The following ABI3BP variants were observed in gnomAD, a reference collection of about 807,000 sequenced individuals.
ABI3BP encodes the protein ABI family member 3 binding protein.
In ABI3BP, 216 loss-of-function variants were observed where a neutral mutation model predicts 268.6. That is an observed-to-expected ratio of 0.80 (90% CI 0.72 to 0.90). ABI3BP has a LOEUF of 0.90. Among genes scored for constraint, ABI3BP ranks in the 40% least tolerant of loss-of-function variants. The pLI is 0.00. For missense variants in ABI3BP, 2,090 were observed against 2,182.4 expected (o/e 0.96, Z 0.84); for synonymous variants, 730 against 730.0 (o/e 1.00, Z 0.00).
intron 2 of ABI3BP, among the ~76,000 whole-genome samples, chr3:100,916,587 C>T (rs1438060331): frequency 1.3e-5 from 2 of 152,190 alleles, no homozygotes; most frequent in Non-Finnish European, 2.9e-5. Flanking sequence ...TGGGGTTGCT[C>T]TAAGGATTTA....
intron 51 of ABI3BP, among the ~76,000 whole-genome samples, chr3:100,803,319 G>GTT (rs1220830166): frequency 2.4e-4 from 31 of 131,298 alleles, no homozygotes; most frequent in South Asian, 2.8e-4. Flanking sequence ...ATTAAGGCAA[G>GTT]TTTTTTTTTT....
intron 62 of ABI3BP, among the ~76,000 whole-genome samples, chr3:100,769,433 CAGAA>C (rs1157302107): frequency 1.3e-5 from 2 of 152,112 alleles, no homozygotes; most frequent in Non-Finnish European, 2.9e-5. Context: ...TATATACAAT[CAGAA>C]AGGCCAATTC....
rs115863872 is a variant in ABI3BP at position 100,781,223 on chromosome 3, T to C, written c.4163-1014A>G. 3.1e-3 allele frequency among the ~76,000 whole-genome samples: 466 copies of C among 152,314 alleles called. 3 individuals are homozygous for C. The highest frequency in any genetic ancestry group is 0.011 in the African/African-American group (439 of 41,572). ...TTCCAGAAACTGTTTGGGGACATTA[T>C]ATACTTGATCTCATTTAATGTGTGG... On this transcript the variant is annotated intron_variant, in intron 57 of 67. Coordinates refer to ENST00000471714, the MANE Select transcript of ABI3BP (RefSeq NM_001375547.2).
At chr3:100,825,942 G>T in intron 34 of ABI3BP, 98 bp from the exon 35 acceptor site, 1 of 879,204 alleles carries the variant, frequency 1.1e-6, no homozygotes, top group Non-Finnish European at 1.8e-6. Flanking sequence ...CTGCCTCTAG[G>T]ATAATTAAAC....
chr3:100,950,326 A>G (rs2074394367), intron 1 of ABI3BP, among the ~76,000 whole-genome samples: 1 of 152,232 alleles, frequency 6.6e-6, no homozygotes, highest in Non-Finnish European at 1.5e-5. Context: ...TAATACTATA[A>G]TAAACAAATG....
chr3:100,817,478 C>A lies in ABI3BP; in HGVS notation c.3106G>T (p.Glu1036Ter). The A allele has an allele frequency of 6.6e-7, 1 of 1,509,540 alleles. No individual in the cohort carries two copies. Among genetic ancestry groups the A allele is most frequent in the South Asian group, 1.3e-5 (1 of 79,674 alleles). The allele number at this position is 1,509,540 out of a possible 1,614,324, so 93.5% of individuals were successfully genotyped here. The change falls in exon 42 of 68, where the codon GAA becomes TAA. Residue 1036 changes from glutamate to a stop codon, truncating the protein, a stop_gained. Coordinates refer to ENST00000471714, the MANE Select transcript of ABI3BP (RefSeq NM_001375547.2). LOFTEE classifies it high-confidence loss of function. ...AACTTGGTTCTAAAAGTGTCAGGTT[C>A]AAGGACTGTAGTAACAACTAGACAA... is the stretch of plus-strand genomic sequence containing the variant. Reference protein sequence around the residue: ...PKTMVVTTVLEPDTFRTKFPE... With the variant: ...PKTMVVTTVL
chr3:100,876,481 T>C, intron 7 of ABI3BP, 31 bp downstream of exon 7: 1 of 1,592,580 alleles, frequency 6.3e-7, no homozygotes, highest in Non-Finnish European at 8.6e-7. Context: ...TAAAGATTGC[T>C]CTAAACACAT....
chr3:100,822,785 C>A lies in ABI3BP; in HGVS notation c.2804-113G>T, dbSNP rs116538350. On this transcript the variant is annotated intron_variant, in intron 37 of 67. Transcript: ENST00000471714. ...CTTGATAGATATTTGCCTTTTAGTT[C>A]GAGATTTTTGTCACATGCATTCCTC... 1,094 of 883,944 alleles carry A rather than the reference C, an allele frequency of 1.2e-3. 12 individuals are homozygous for A. In the African/African-American group the frequency reaches 0.016, roughly 13 times the overall value. The allele number at this position is 883,944 out of a possible 1,614,324, so 54.8% of individuals were successfully genotyped here.
intron 2 of ABI3BP, among the ~76,000 whole-genome samples, chr3:100,908,137 G>GA (rs71625574): frequency 2.0e-5 from 3 of 149,190 alleles, no homozygotes; most frequent in Admixed American, 6.7e-5. Context: ...AAAGAAAAAA[G>GA]AAAAAAAAGT....
At chr3:100,752,543 A>G (rs967310269) in intron 66 of ABI3BP, 1 of 392,958 alleles carries the variant, frequency 2.5e-6, no homozygotes, top group African/African-American at 2.0e-5. Context: ...GTGAATGTAC[A>G]TTCCAGTTTG....
Position 100,750,476 on chromosome 3 carries a change from A to C in ABI3BP, c.*19T>G. 1 of 1,564,732 alleles carries C rather than the reference A, an allele frequency of 6.4e-7. No individual in the cohort carries two copies. The highest frequency in any genetic ancestry group is 2.2e-5 in the East Asian group (1 of 44,532). On this transcript the variant is annotated 3_prime_UTR_variant, in exon 68 of 68. Transcript: ENST00000471714. ...TTTTTGTTTGCAATGATGAAACAGA[A>C]GGTAACTTTGTGCAGCATCTACCAT...
intron 6 of ABI3BP, among the ~76,000 whole-genome samples, chr3:100,879,812 C>T (rs1480256319): frequency 6.6e-6 from 1 of 152,188 alleles, no homozygotes; most frequent in East Asian, 1.9e-4. Context: ...AAGGACTCTA[C>T]TAATGAGCAA....
At chr3:100,828,285 T>C (rs1579310720) in intron 34 of ABI3BP, 108 bp downstream of exon 34, 1 of 982,658 alleles carries the variant, frequency 1.0e-6, no homozygotes, top group African/African-American at 1.6e-5. Flanking sequence ...GTTTTATGCA[T>C]GTTCAACCGT....
At chr3:100,951,858 T>G (rs536435422) in intron 1 of ABI3BP, among the ~76,000 whole-genome samples, 2 of 152,088 alleles carry the variant, frequency 1.3e-5, no homozygotes, top group South Asian at 2.1e-4. Context: ...GCAGGTCATC[T>G]TGAGCCCAAA....
intron 32 of ABI3BP, 83 bp from the exon 33 acceptor site, chr3:100,829,747 A>G: frequency 9.2e-7 from 1 of 1,084,814 alleles, no homozygotes; most frequent in Non-Finnish European, 1.3e-6. Context: ...TAATTTCTTG[A>G]CTTCCAAGAA....
intron 55 of ABI3BP, among the ~76,000 whole-genome samples, chr3:100,792,022 G>T (rs1334094793): frequency 1.3e-5 from 2 of 151,682 alleles, no homozygotes; most frequent in African/African-American, 4.8e-5. Flanking sequence ...TGGGCAAAAG[G>T]GGTATTAGCA....
At chr3:100,784,626 C>T (rs559899704) in intron 57 of ABI3BP, among the ~76,000 whole-genome samples, 105 of 152,216 alleles carry the variant, frequency 6.9e-4, no homozygotes, top group African/African-American at 2.4e-3. Context: ...ATGGAACCAA[C>T]TTAAGTGACC....
At chr3:100,851,819 C>T (rs2098842462) in intron 15 of ABI3BP, 56 bp downstream of exon 15, 1 of 1,427,778 alleles carries the variant, frequency 7.0e-7, no homozygotes, top group Non-Finnish European at 9.5e-7. Flanking sequence ...AAAGGAAGAA[C>T]CACCAAGTGT....
Position 100,844,450 on chromosome 3 carries a change from C to T in ABI3BP, c.1723+1922G>A, listed in dbSNP as rs1039726748. The T allele has an allele frequency of 7.1e-6, 7 of 985,286 alleles. No homozygotes were observed. The African/African-American group carries it at 1.0e-4, about 15-fold the overall frequency. 61.0% of individuals were successfully genotyped at this position (985,286 alleles called of 1,614,324 possible). On this transcript the variant is annotated intron_variant, in intron 20 of 67. Transcript: ENST00000471714. ...TGTGGATTTTTACTCGTTGACTTAACCACCAAGCAAAGCCAAAGGAAAAGG... is the reference window on the plus strand; with the variant it reads ...TGTGGATTTTTACTCGTTGACTTAATCACCAAGCAAAGCCAAAGGAAAAGG...
Sources: gnomAD v4.1 joint callset for allele counts (sites outside exome capture counted in the v4.1 genomes callset) on GRCh38, gnomAD v4.1.1 for gene constraint, MANE v1.5 for transcripts, NCBI Gene and HGNC (gene_info 2026-07-23, HGNC 2026-07-21) for gene names.